The following MAPK8 variants were observed in gnomAD, a reference collection of about 807,000 sequenced individuals.
The protein encoded by MAPK8 is mitogen-activated protein kinase 8, also known as JUN N-terminal kinase.
A neutral mutation model predicts 52.9 loss-of-function variants in MAPK8; 13 were observed. That is an observed-to-expected ratio of 0.25 (90% CI 0.16 to 0.39). The LOEUF is 0.39. Ranked by LOEUF, MAPK8 falls within the 10% of genes least tolerant of loss-of-function variation. The pLI, the probability that MAPK8 is intolerant of heterozygous loss-of-function variation, is 1.00. For synonymous variants in MAPK8, 191 were observed against 169.8 expected (o/e 1.12, Z -0.97); for missense variants, 300 against 519.2 (o/e 0.58, Z 4.10).
chr10:48,353,242 C>T (rs949566738), intron 1 of MAPK8, among the ~76,000 whole-genome samples: 5 of 152,050 alleles, frequency 3.3e-5, no homozygotes, highest in African/African-American at 9.7e-5. Flanking sequence ...AATTTTTCTA[C>T]GATTTATATG....
At chr10:48,406,697 C>G (rs892839367) in intron 3 of MAPK8, among the ~76,000 whole-genome samples, 1 of 152,180 alleles carries the variant, frequency 6.6e-6, no homozygotes, top group Non-Finnish European at 1.5e-5. Flanking sequence ...CAATTTCATC[C>G]TCTGTACAGA....
intron 1 of MAPK8, among the ~76,000 whole-genome samples, chr10:48,360,974 A>G (rs115738955): frequency 1.1e-4 from 16 of 152,194 alleles, no homozygotes; most frequent in African/African-American, 3.9e-4. Context: ...TTGTTATGTA[A>G]TAGTTTTTGT....
chr10:48,370,653 G>A (rs543549817), intron 1 of MAPK8, among the ~76,000 whole-genome samples: 8 of 152,226 alleles, frequency 5.3e-5, no homozygotes, highest in East Asian at 3.9e-4. Flanking sequence ...GACCAATAGC[G>A]TCTTAGGAGA....
chr10:48,327,289 C>T (rs1318569820), intron 1 of MAPK8, among the ~76,000 whole-genome samples: 1 of 152,092 alleles, frequency 6.6e-6, no homozygotes, highest in Non-Finnish European at 1.5e-5. Context: ...CCGTTTTCAT[C>T]ATGAGTGGTG....
chr10:48,308,532 G>A (rs548638715), intron 1 of MAPK8, among the ~76,000 whole-genome samples: 1 of 152,142 alleles, frequency 6.6e-6, no homozygotes, highest in South Asian at 2.1e-4. Context: ...TTTTTAATAT[G>A]ATAAATAAAG....
intron 7 of MAPK8, among the ~76,000 whole-genome samples, chr10:48,424,862 A>G (rs2043580557): frequency 6.6e-6 from 1 of 152,088 alleles, no homozygotes; most frequent in African/African-American, 2.4e-5. Context: ...AAAAATTTAT[A>G]ATAATTATAC....
chr10:48,367,584 A>G (rs56202525), intron 1 of MAPK8, among the ~76,000 whole-genome samples: 2,187 of 152,240 alleles, frequency 0.014, 24 homozygotes, highest in Non-Finnish European at 0.021. Context: ...CATTATTATG[A>G]AAAGTATTTG....
chr10:48,333,671 AAAG>A (rs1336001496), intron 1 of MAPK8, among the ~76,000 whole-genome samples: 4 of 152,188 alleles, frequency 2.6e-5, no homozygotes, highest in East Asian at 1.9e-4. Context: ...TGCAACAGGG[AAAG>A]AAGAAGGGGT....
At chr10:48,308,651 G>GT (rs1291232261) in intron 1 of MAPK8, among the ~76,000 whole-genome samples, 1 of 152,126 alleles carries the variant, frequency 6.6e-6, no homozygotes, top group African/African-American at 2.4e-5. Flanking sequence ...TTCAGTAGGG[G>GT]TCTAAAATGA....
intron 1 of MAPK8, among the ~76,000 whole-genome samples, chr10:48,379,010 T>C (rs181984250): frequency 4.9e-4 from 74 of 152,328 alleles, no homozygotes; most frequent in East Asian, 7.7e-4. Context: ...CCTGATTTAT[T>C]TGCATAAAGT....
At chr10:48,399,004 T>G (rs1236728850) in intron 1 of MAPK8, among the ~76,000 whole-genome samples, 2 of 152,128 alleles carry the variant, frequency 1.3e-5, no homozygotes, top group Non-Finnish European at 2.9e-5. Context: ...GTCCTTTGCA[T>G]TCGATTTGTT....
At chr10:48,405,123 A>ATC in intron 3 of MAPK8, 142 bp downstream of exon 3, 1 of 267,294 alleles carries the variant, frequency 3.7e-6, no homozygotes, top group Non-Finnish European at 7.0e-6. Flanking sequence ...ATATATATAT[A>ATC]TATATCTACA....
At chr10:48,359,252 T>G (rs1847301650) in intron 1 of MAPK8, among the ~76,000 whole-genome samples, 1 of 152,216 alleles carries the variant, frequency 6.6e-6, no homozygotes. Context: ...TTTAAGTGTG[T>G]ACATTTTCTT....
intron 1 of MAPK8, among the ~76,000 whole-genome samples, chr10:48,319,430 C>T (rs189664684): frequency 1.8e-3 from 268 of 152,248 alleles, no homozygotes; most frequent in African/African-American, 6.0e-3. Context: ...CCCCTCCTCT[C>T]CCTGGCCCTA....
At chr10:48,342,200 C>T (rs116161093) in intron 1 of MAPK8, among the ~76,000 whole-genome samples, 3,470 of 152,248 alleles carry the variant, frequency 0.023, 143 homozygotes, top group African/African-American at 0.079. Flanking sequence ...ACTTCCCAGG[C>T]TCAAGCGATT....
At position 48,347,016 on chromosome 10, in the gene MAPK8, C is replaced by T. The variant is rs113553013; in HGVS notation, c.-50+40195C>T. On this transcript the variant is annotated intron_variant, in intron 1 of 11. Transcript: ENST00000374189. Reference sequence around the variant, plus strand: ...GACATTCGGGGCCACTACCGGTCTCCGCGCATTGGTGGTAGTGGTCCCCCG... The same window carrying T: ...GACATTCGGGGCCACTACCGGTCTCTGCGCATTGGTGGTAGTGGTCCCCCG... 3.5e-3 allele frequency among the ~76,000 whole-genome samples: 538 copies of T among 152,246 alleles called. 5 individuals carry two copies. Among genetic ancestry groups the T allele is most frequent in the African/African-American group, 0.013 (524 of 41,548 alleles).
intron 1 of MAPK8, among the ~76,000 whole-genome samples, chr10:48,368,818 G>C (rs1028253037): frequency 6.6e-6 from 1 of 152,068 alleles, no homozygotes; most frequent in Non-Finnish European, 1.5e-5. Context: ...AACCAGACAT[G>C]GTTCAGTATC....
chr10:48,400,474 A>T (rs543312974), intron 1 of MAPK8, among the ~76,000 whole-genome samples: 2 of 151,840 alleles, frequency 1.3e-5, no homozygotes, highest in South Asian at 4.1e-4. Flanking sequence ...TTCATATTCC[A>T]CTCTTGCTCC....
In MAPK8 at chr10:48,346,894, G is replaced by A. The variant is rs1454782720; in HGVS notation, c.-50+40073G>A. 2.0e-5 allele frequency among the ~76,000 whole-genome samples: 3 copies of A among 152,172 alleles called. No individual in the cohort carries two copies. In the East Asian group the frequency reaches 5.8e-4, roughly 29 times the overall value. The stretch of plus-strand genomic sequence containing the variant: ...GCAGGGAAGGGCCCCCTGTCCAGTG[G>A]ACATGTGACCCACGTGACCTTACCT... On this transcript the variant is annotated intron_variant, in intron 1 of 11. Coordinates refer to ENST00000374189, the MANE Select transcript of MAPK8 (RefSeq NM_001323329.2).
Sources: allele counts gnomAD v4.1 joint callset (sites outside exome capture counted in the v4.1 genomes callset), GRCh38; gene constraint gnomAD v4.1.1; transcripts MANE v1.5; gene names NCBI Gene and HGNC (gene_info 2026-07-23, HGNC 2026-07-21).